Variants in CDH10 observed in about 807,000 individuals in gnomAD.
The protein encoded by CDH10 is cadherin-10.
A neutral mutation model predicts 73.1 loss-of-function variants in CDH10; 30 were observed. The ratio of observed to expected loss-of-function variants is 0.41; its 90% confidence interval spans 0.31 to 0.56. CDH10 has a LOEUF of 0.56. Among genes scored for constraint, CDH10 ranks in the 20% least tolerant of loss-of-function variants. The pLI, the probability that CDH10 is intolerant of heterozygous loss-of-function variation, is 0.27. For synonymous variants in CDH10, 345 were observed against 348.2 expected (o/e 0.99, Z 0.10); for missense variants, 815 against 973.7 (o/e 0.84, Z 2.17).
chr5:24,490,890 C>T (rs1472142107), intron 11 of CDH10, among the ~76,000 whole-genome samples: 1 of 152,120 alleles, frequency 6.6e-6, no homozygotes, highest in Non-Finnish European at 1.5e-5. Context: ...GTTATTCTAA[C>T]AAATGTTATC....
Sources: allele counts gnomAD v4.1 joint callset (sites outside exome capture counted in the v4.1 genomes callset), GRCh38; gene constraint gnomAD v4.1.1; transcripts MANE v1.5; gene names NCBI Gene and HGNC (gene_info 2026-07-23, HGNC 2026-07-21).